The following RAB43 variants were observed in gnomAD, a reference collection of about 807,000 sequenced individuals.
The protein encoded by RAB43 is RAB43, member RAS oncogene family, also known as ras-related protein Rab-43.
RAB43 carries 6 observed loss-of-function variants against 18.8 expected under a neutral mutation model. The ratio of observed to expected loss-of-function variants is 0.32; its 90% CI spans 0.17 to 0.63. The LOEUF (loss-of-function observed/expected upper bound fraction) is 0.63, where lower values mean the gene tolerates loss of function less well. Among genes scored for constraint, RAB43 ranks in the 30% least tolerant of loss-of-function variants. RAB43 has a pLI of 0.79. For missense variants in RAB43, 195 were observed against 289.1 expected (o/e 0.67, Z 2.36); for synonymous variants, 103 against 124.1 (o/e 0.83, Z 1.13).
At position 129,098,689 on chromosome 3, in the gene RAB43, G is replaced by A. The variant is rs114589647; in HGVS notation, c.205-3520C>T. On this transcript the variant is annotated intron_variant, in intron 1 of 2. Coordinates refer to ENST00000315150, the MANE Select transcript of RAB43 (RefSeq NM_198490.3). ...GTTCAAAGAGTTAAAGAAAAACATC[G>A]CCATAATGAGTGGACGAATAGGGGA... 6.5e-3 allele frequency among the ~76,000 whole-genome samples: 992 copies of A among 152,242 alleles called. 9 individuals carry two copies. Among genetic ancestry groups the A allele is most frequent in the African/African-American group, 0.023 (936 of 41,554 alleles).
chr3:129,117,561 G>A lies in RAB43; in HGVS notation c.204+3725C>T, dbSNP rs146860177. 8.3e-4 allele frequency among the ~76,000 whole-genome samples: 127 copies of A among 152,314 alleles called. 1 individual carries two copies. The highest frequency in any genetic ancestry group is 1.1e-3 in the Admixed American group (17 of 15,310). Reference sequence around the variant, plus strand: ...ACTCGTACAGCAGTGTCTCTGAGCCGTTTGGGTATATCTACACGTTTTGGT... The same window carrying A: ...ACTCGTACAGCAGTGTCTCTGAGCCATTTGGGTATATCTACACGTTTTGGT... On this transcript the variant is annotated intron_variant, in intron 1 of 2. Transcript: ENST00000315150.
At chr3:129,092,668 T>G in intron 2 of RAB43, 1 of 494,698 alleles carries the variant, frequency 2.0e-6, no homozygotes, top group East Asian at 3.4e-5. Context: ...GTATAAAATG[T>G]TCTATAGGCC....
intron 1 of RAB43, among the ~76,000 whole-genome samples, chr3:129,109,989 T>C (rs1342006610): frequency 1.3e-5 from 2 of 151,654 alleles, no homozygotes; most frequent in Non-Finnish European, 2.9e-5. Flanking sequence ...CTCAGTCTCC[T>C]GAGTAGCTGG....
intron 1 of RAB43, among the ~76,000 whole-genome samples, chr3:129,112,024 G>A (rs1935202087): frequency 6.6e-6 from 1 of 152,104 alleles, no homozygotes; most frequent in Non-Finnish European, 1.5e-5. Context: ...TGAGGCAGGT[G>A]GATTTCTTGA....
At chr3:129,114,001 TCCAC>T (rs1426453435) in intron 1 of RAB43, among the ~76,000 whole-genome samples, 1 of 151,878 alleles carries the variant, frequency 6.6e-6, no homozygotes, top group Non-Finnish European at 1.5e-5. Flanking sequence ...GCCACTGCAC[TCCAC>T]CTGGTGACAG....
chr3:129,110,639 C>T (rs1432721660), intron 1 of RAB43, among the ~76,000 whole-genome samples: 3 of 152,066 alleles, frequency 2.0e-5, no homozygotes, highest in Non-Finnish European at 4.4e-5. Context: ...AAGATCAAGA[C>T]GATCCTGACT....
intron 1 of RAB43, among the ~76,000 whole-genome samples, chr3:129,105,551 C>A (rs1456029658): frequency 2.8e-5 from 3 of 107,468 alleles, no homozygotes; most frequent in Non-Finnish European, 3.9e-5. Context: ...GAGGCCAAGG[C>A]AGGCAAATCA....
chr3:129,111,509 CAAAAAAAAAAA>C (rs59684183), intron 1 of RAB43, among the ~76,000 whole-genome samples: 1 of 68,620 alleles, frequency 1.5e-5, no homozygotes, highest in Non-Finnish European at 3.1e-5. Flanking sequence ...GACTCTGTCT[CAAAAAAAAAAA>C]AAAAAAAAAA....
Position 129,121,459 on chromosome 3 carries a change from G to T in RAB43, c.31C>A (p.Pro11Thr). The change falls in exon 1 of 3, where the codon CCG becomes ACG. Residue 11 changes from proline (P) to threonine (T), a missense_variant. By Grantham distance (38) the Pro-to-Thr change is conservative. Coordinates refer to ENST00000315150, the MANE Select transcript of RAB43 (RefSeq NM_198490.3). Reference protein sequence around the residue: MAGPGPGPGDPDEQYDFLFKL... With the variant: MAGPGPGPGDTDEQYDFLFKL... ...AACAGGAAATCGTACTGCTCGTCCG[G>T]GTCCCCCGGGCCTGGGCCCGGCCCT... The T allele has an allele frequency of 6.2e-7, 1 of 1,612,454 alleles. No individual in the cohort carries two copies. Among genetic ancestry groups the T allele is most frequent in the Non-Finnish European group, 8.5e-7 (1 of 1,179,354 alleles).
intron 2 of RAB43, among the ~76,000 whole-genome samples, chr3:129,092,028 A>G (rs2341296): frequency 2.4e-3 from 358 of 151,288 alleles, no homozygotes; most frequent in African/African-American, 8.4e-3. Context: ...ACTGTACTCC[A>G]GCCTGGGCAA....
chr3:129,099,634 C>T (rs901272078), intron 1 of RAB43, among the ~76,000 whole-genome samples: 1 of 152,138 alleles, frequency 6.6e-6, no homozygotes, highest in Non-Finnish European at 1.5e-5. Context: ...GATCCACTCG[C>T]CTCGGCCTCC....
At chr3:129,103,723 C>T (rs1934577733) in intron 1 of RAB43, among the ~76,000 whole-genome samples, 1 of 152,156 alleles carries the variant, frequency 6.6e-6, no homozygotes, top group Non-Finnish European at 1.5e-5. Context: ...TGCCACCACG[C>T]CCGGCTAATT....
At chr3:129,101,101 C>T (rs1025575900) in intron 1 of RAB43, among the ~76,000 whole-genome samples, 3 of 152,146 alleles carry the variant, frequency 2.0e-5, no homozygotes, top group Admixed American at 6.6e-5. Flanking sequence ...CCACTGCGCC[C>T]GGCCATTCTG....
At chr3:129,110,768 A>G (rs1229505795) in intron 1 of RAB43, among the ~76,000 whole-genome samples, 1 of 152,046 alleles carries the variant, frequency 6.6e-6, no homozygotes, top group East Asian at 1.9e-4. Flanking sequence ...CCTAAAATCA[A>G]CTGTGGTGAT....
intron 1 of RAB43, among the ~76,000 whole-genome samples, chr3:129,114,462 T>C (rs771910067): frequency 3.9e-5 from 6 of 152,166 alleles, no homozygotes; most frequent in Non-Finnish European, 7.3e-5. Flanking sequence ...ATGGGGATAG[T>C]CTCCCACAGG....
At chr3:129,116,154 T>TA (rs986044284) in intron 1 of RAB43, among the ~76,000 whole-genome samples, 3 of 152,204 alleles carry the variant, frequency 2.0e-5, no homozygotes, top group African/African-American at 7.2e-5. Flanking sequence ...AGACAAAACA[T>TA]AGTCTATATA....
chr3:129,110,510 A>C (rs1308219995), intron 1 of RAB43, among the ~76,000 whole-genome samples: 1 of 152,246 alleles, frequency 6.6e-6, no homozygotes, highest in Non-Finnish European at 1.5e-5. Context: ...ACTAGGACAA[A>C]AAAACAAAAC....
At chr3:129,114,431 C>G (rs1004599230) in intron 1 of RAB43, among the ~76,000 whole-genome samples, 12 of 152,158 alleles carry the variant, frequency 7.9e-5, no homozygotes, top group Non-Finnish European at 1.2e-4. Flanking sequence ...ACAAATGGGC[C>G]TTCATTTCCT....
At chr3:129,106,923 C>G (rs901207487) in intron 1 of RAB43, among the ~76,000 whole-genome samples, 1 of 152,194 alleles carries the variant, frequency 6.6e-6, no homozygotes, top group Non-Finnish European at 1.5e-5. Context: ...ACTCCACCAG[C>G]ACGTGATGAG....
Sources: allele counts gnomAD v4.1 joint callset (sites outside exome capture counted in the v4.1 genomes callset), GRCh38; gene constraint gnomAD v4.1.1; transcripts MANE v1.5; gene names NCBI Gene and HGNC (gene_info 2026-07-23, HGNC 2026-07-21).